NRG1: variants seen among roughly 807,000 people sequenced by gnomAD.
The protein encoded by NRG1 is neuregulin 1.
Under a neutral mutation model 63.8 loss-of-function variants are expected in NRG1, and 18 were observed. The ratio of observed to expected loss-of-function variants is 0.28; its 90% confidence interval spans 0.19 to 0.42. The LOEUF is 0.42. Ranked by LOEUF, NRG1 falls within the 10% of genes least tolerant of loss-of-function variation. The pLI is 1.00. For missense variants in NRG1, 762 were observed against 814.7 expected (o/e 0.94, Z 0.79); for synonymous variants, 302 against 301.3 (o/e 1.00, Z -0.02).
At chr8:31,975,458 G>A (rs1045551382) in intron 1 of NRG1, among the ~76,000 whole-genome samples, 6 of 152,266 alleles carry the variant, frequency 3.9e-5, no homozygotes, top group Admixed American at 1.3e-4. Flanking sequence ...ACATGAATAG[G>A]ACATGTTAAC....
At chr8:32,573,800 C>T (rs953285291) in intron 1 of NRG1, among the ~76,000 whole-genome samples, 10 of 152,164 alleles carry the variant, frequency 6.6e-5, no homozygotes, top group South Asian at 4.1e-4. Context: ...TATCCCTCCC[C>T]GCTCCTCCCA....
chr8:31,783,540 T>C (rs923733329), intron 1 of NRG1, among the ~76,000 whole-genome samples: 2 of 150,898 alleles, frequency 1.3e-5, no homozygotes, highest in Non-Finnish European at 2.9e-5. Context: ...TAGCTCACTG[T>C]CCTTCTAAGC....
chr8:31,651,237 T>G (rs2130880717), intron 1 of NRG1, among the ~76,000 whole-genome samples: 1 of 152,306 alleles, frequency 6.6e-6, no homozygotes, highest in South Asian at 2.1e-4. Context: ...TATTAACAGT[T>G]ATTTGCATTC....
At chr8:32,598,308 A>G (rs1226816838) in intron 2 of NRG1, among the ~76,000 whole-genome samples, 1 of 152,148 alleles carries the variant, frequency 6.6e-6, no homozygotes, top group African/African-American at 2.4e-5. Flanking sequence ...CAGATATTCA[A>G]TCTGATGCTA....
At chr8:32,076,769 C>T (rs1259993120) in intron 1 of NRG1, among the ~76,000 whole-genome samples, 2 of 151,448 alleles carry the variant, frequency 1.3e-5, no homozygotes, top group African/African-American at 4.9e-5. Flanking sequence ...GAGGTACAAC[C>T]ACGTGAATGA....
intron 7 of NRG1, among the ~76,000 whole-genome samples, chr8:32,747,343 G>A (rs1355409772): frequency 6.6e-6 from 1 of 151,970 alleles, no homozygotes; most frequent in Non-Finnish European, 1.5e-5. Context: ...GGGGGCTCTA[G>A]AAAGAAAATC....
chr8:32,566,075 C>T (rs115652858), intron 1 of NRG1, among the ~76,000 whole-genome samples: 4,477 of 152,088 alleles, frequency 0.029, 110 homozygotes, highest in African/African-American at 0.065. Context: ...TGTGTCTGGC[C>T]GGACACGGTG....
chr8:31,930,156 C>A (rs1415599361), intron 1 of NRG1, among the ~76,000 whole-genome samples: 1 of 152,062 alleles, frequency 6.6e-6, no homozygotes, highest in South Asian at 2.1e-4. Context: ...ACATGAAGGT[C>A]CTGAATAATA....
chr8:32,772,036 A>AAATGTAT (rs1564160296), downstream of NRG1, among the ~76,000 whole-genome samples: 8 of 13,926 alleles, frequency 5.7e-4, no homozygotes, highest in Non-Finnish European at 1.2e-3. Flanking sequence ...AAAAAAAAAA[A>AAATGTAT]ATATGTATAT....
intron 1 of NRG1, among the ~76,000 whole-genome samples, chr8:32,537,195 C>CAAAAAAAAAAAAAAAAAA (rs71208193): frequency 7.3e-4 from 32 of 43,814 alleles, no homozygotes; most frequent in Middle Eastern, 0.021. Flanking sequence ...GACTCCATCT[C>CAAAAAAAAAAAAAAAAAA]AAAAAAAAAA....
chr8:32,543,848 C>A (rs1832799845), upstream of NRG1, among the ~76,000 whole-genome samples: 1 of 152,030 alleles, frequency 6.6e-6, no homozygotes, highest in African/African-American at 2.4e-5. Context: ...TAAATATTTG[C>A]CAAATGGAGG....
chr8:31,828,414 C>A (rs1453927734), intron 1 of NRG1, among the ~76,000 whole-genome samples: 2 of 152,124 alleles, frequency 1.3e-5, no homozygotes, highest in Admixed American at 1.3e-4. Context: ...ATTAAAGGGT[C>A]AAAATTATAG....
intron 1 of NRG1, among the ~76,000 whole-genome samples, chr8:31,815,234 G>A (rs934098041): frequency 2.0e-5 from 3 of 152,014 alleles, no homozygotes; most frequent in African/African-American, 7.3e-5. Context: ...TACCCATTAA[G>A]CAATAACTCC....
chr8:31,683,709 G>C (rs1040103523), intron 1 of NRG1, among the ~76,000 whole-genome samples: 1 of 152,100 alleles, frequency 6.6e-6, no homozygotes, highest in Non-Finnish European at 1.5e-5. Context: ...TGATAATAAT[G>C]CTTCAGTGTA....
At chr8:32,705,033 C>T (rs889101308) in intron 5 of NRG1, among the ~76,000 whole-genome samples, 1 of 151,664 alleles carries the variant, frequency 6.6e-6, no homozygotes, top group African/African-American at 2.4e-5. Context: ...AAATTCTGAA[C>T]ATAAAAATGC....
chr8:31,668,399 T>A (rs1806769601), intron 1 of NRG1, among the ~76,000 whole-genome samples: 2 of 152,220 alleles, frequency 1.3e-5, no homozygotes. Context: ...TCCCCCCAGA[T>A]GTTTTTCCAG....
rs570160940 is a variant in NRG1 at position 31,680,136 on chromosome 8, A to ATTTTTTAT, written c.37+40715_37+40722dup. ...GATTCTCCTAAAATTGTTTATTTTT[A>ATTTTTTAT]TTTTTTATTTTTTTATTATTATACT... On this transcript the variant is annotated intron_variant, in intron 1 of 10. Transcript: ENST00000519301. 0.013 allele frequency among the ~76,000 whole-genome samples: 1,968 copies of ATTTTTTAT among 151,958 alleles called. 60 individuals are homozygous for ATTTTTTAT. The South Asian group carries it at 0.14, about 11-fold the overall frequency.
At position 31,640,111 on chromosome 8, in the gene NRG1, G is replaced by T; in HGVS notation, c.37+680G>T. On this transcript the variant is annotated intron_variant, in intron 1 of 10. Transcript: ENST00000519301. This position sits in a 1 kb window ranked among gnomAD's most constrained non-coding sequence, Gnocchi z 6.3. ...ACTACTGCTGCTGCTGGGGACCGCGGCCCTGGCGCCGGGGGCGGCGGCCGG... is the reference window on the plus strand; with the variant it reads ...ACTACTGCTGCTGCTGGGGACCGCGTCCCTGGCGCCGGGGGCGGCGGCCGG... 8.7e-7 allele frequency: 1 copy of T among 1,151,724 alleles called. No homozygotes were observed. 71.3% of individuals were successfully genotyped at this position (1,151,724 alleles called of 1,614,324 possible). A position where few individuals can be genotyped will look rare whatever the true frequency, so the allele number is the denominator to read the frequency against.
chr8:32,577,562 G>T lies in NRG1; in HGVS notation c.101-18266G>T, dbSNP rs183008505. On this transcript the variant is annotated intron_variant, in intron 1 of 11. Transcript: ENST00000356819. ...TGGAAAAAGTAGGGCTAGGTGAAGA[G>T]AATTCAAAACTTACGAAACTATAAA... Among the ~76,000 whole-genome samples, 494 of 152,224 alleles carry T rather than the reference G, an allele frequency of 3.2e-3. 3 individuals are homozygous for T. Among genetic ancestry groups the T allele is most frequent in the African/African-American group, 0.012 (482 of 41,538 alleles).
Sources: gnomAD v4.1 joint callset for allele counts (sites outside exome capture counted in the v4.1 genomes callset) on GRCh38, gnomAD v4.1.1 for gene constraint, Gnocchi (gnomAD v3.1) non-coding constraint, MANE v1.5 for transcripts, NCBI Gene and HGNC (gene_info 2026-07-23, HGNC 2026-07-21) for gene names.